Variants in SLCO6A1 observed in about 807,000 individuals in gnomAD.
SLCO6A1 encodes the protein cancer/testis antigen 48.
SLCO6A1 carries 65 observed loss-of-function variants against 72.7 expected under a neutral mutation model. The ratio of observed to expected loss-of-function variants is 0.89; its 90% CI spans 0.73 to 1.10. SLCO6A1 has a LOEUF of 1.10. SLCO6A1 is among the 50% of genes least tolerant of loss of function. The probability of loss-of-function intolerance (pLI) is 0.00; values close to 1 mark genes in which losing one functional copy is unlikely to be tolerated. For synonymous variants in SLCO6A1, 314 were observed against 298.2 expected (o/e 1.05, Z -0.55); for missense variants, 874 against 872.6 (o/e 1.00, Z -0.02).
chr5:102,469,310 C>T (rs1237886298), intron 4 of SLCO6A1, among the ~76,000 whole-genome samples: 3 of 152,076 alleles, frequency 2.0e-5, no homozygotes, highest in African/African-American at 7.2e-5. Flanking sequence ...AATATTCTTC[C>T]ATTTGTTTGT....
intron 12 of SLCO6A1, among the ~76,000 whole-genome samples, chr5:102,383,641 T>C (rs754471623): frequency 4.0e-5 from 6 of 151,818 alleles, no homozygotes; most frequent in Non-Finnish European, 8.9e-5. Context: ...ATCAGGGATA[T>C]TGGCCCTTAA....
chr5:102,442,644 G>A (rs1749899404), intron 6 of SLCO6A1, among the ~76,000 whole-genome samples: 1 of 152,184 alleles, frequency 6.6e-6, no homozygotes, highest in African/African-American at 2.4e-5. Flanking sequence ...ATGTGTTTAA[G>A]CTCTTTCAGA....
At chr5:102,379,001 G>A (rs978343585) in intron 12 of SLCO6A1, among the ~76,000 whole-genome samples, 4 of 151,912 alleles carry the variant, frequency 2.6e-5, no homozygotes, top group Admixed American at 6.6e-5. Context: ...GGATGGTCTC[G>A]AACACATGAC....
At chr5:102,419,702 T>A in intron 8 of SLCO6A1, 124 bp downstream of exon 8, 1 of 758,306 alleles carries the variant, frequency 1.3e-6, no homozygotes, top group Middle Eastern at 4.0e-4. Context: ...ATTTCTTTTA[T>A]GTGTTTGATA....
Position 102,456,362 on chromosome 5 carries a change from G to A in SLCO6A1, c.1131+2020C>T, listed in dbSNP as rs993360250. Among the ~76,000 whole-genome samples, 85 of 152,250 alleles carry A rather than the reference G, an allele frequency of 5.6e-4. 1 individual carries two copies. The highest frequency in any genetic ancestry group is 9.1e-4 in the Non-Finnish European group (62 of 68,010). On this transcript the variant is annotated intron_variant, in intron 6 of 13. Transcript: ENST00000506729. Reference sequence around the variant, plus strand: ...GATTGTATATCTAGAAAACCCCATTGTCTCAGCCCAAAATCTCCTTAAGCT... The same window carrying A: ...GATTGTATATCTAGAAAACCCCATTATCTCAGCCCAAAATCTCCTTAAGCT...
chr5:102,433,888 T>C (rs534099840), intron 7 of SLCO6A1, among the ~76,000 whole-genome samples: 77 of 152,262 alleles, frequency 5.1e-4, no homozygotes, highest in African/African-American at 1.8e-3. Context: ...TGAGTTGTCG[T>C]AGTTCTTGTG....
At chr5:102,490,289 A>G (rs1752614140) in intron 1 of SLCO6A1, among the ~76,000 whole-genome samples, 1 of 152,252 alleles carries the variant, frequency 6.6e-6, no homozygotes, top group South Asian at 2.1e-4. Flanking sequence ...TATGAGGCAA[A>G]GGATTGCTAA....
chr5:102,373,486 A>C lies in SLCO6A1; in HGVS notation c.2026T>G (p.Cys676Gly). The C allele has an allele frequency of 6.8e-7, 1 of 1,471,480 alleles. No homozygotes were observed. Among genetic ancestry groups the C allele is most frequent in the Non-Finnish European group, 9.0e-7 (1 of 1,110,160 alleles). The allele number at this position is 1,471,480 out of a possible 1,614,324, so 91.2% of individuals were successfully genotyped here. The change falls in exon 13 of 14, where the codon TGC becomes GGC. Residue 676 changes from cysteine (C) to glycine (G), a missense_variant. Transcript: ENST00000506729. ...GTGAAGATGATAGTGCATAGTTTGC[A>C]AAGAAAACCTAAATTTAAAAAATGC... ...AFLLVGICFLCKLCTIIFTTI... is the reference protein window; with the variant it reads ...AFLLVGICFLGKLCTIIFTTI...
chr5:102,402,772 C>G (rs1747470014), intron 9 of SLCO6A1, among the ~76,000 whole-genome samples: 1 of 152,216 alleles, frequency 6.6e-6, no homozygotes, highest in African/African-American at 2.4e-5. Flanking sequence ...AATGATCCCA[C>G]TTGTTAATAC....
At position 102,495,727 on chromosome 5, in the gene SLCO6A1, C is replaced by T. The variant is rs76101350; in HGVS notation, c.358+2760G>A. On this transcript the variant is annotated intron_variant, in intron 1 of 13. Coordinates refer to ENST00000506729, the MANE Select transcript of SLCO6A1 (RefSeq NM_173488.5). ...ACTTTGAAAAGTGAATTTTATTGTA[C>T]ATAAATTATATCTAAATAAATCAGA... Among the ~76,000 whole-genome samples the T allele has an allele frequency of 8.0e-3, 1,219 of 151,590 alleles. 11 individuals carry two copies. Among genetic ancestry groups the T allele is most frequent in the East Asian group, 0.035 (181 of 5,158 alleles).
chr5:102,465,381 T>C (rs1028812670), intron 4 of SLCO6A1, among the ~76,000 whole-genome samples: 3 of 152,042 alleles, frequency 2.0e-5, no homozygotes, highest in South Asian at 2.1e-4. Context: ...TCCAGTGGGA[T>C]TGAGTCCTAG....
intron 9 of SLCO6A1, among the ~76,000 whole-genome samples, chr5:102,401,802 T>C (rs553081067): frequency 4.6e-5 from 7 of 152,208 alleles, no homozygotes; most frequent in Non-Finnish European, 7.4e-5. Flanking sequence ...TGATTTCCTA[T>C]TAGGACTCCT....
chr5:102,450,132 C>A (rs1477288975), intron 6 of SLCO6A1, among the ~76,000 whole-genome samples: 1 of 152,178 alleles, frequency 6.6e-6, no homozygotes, highest in East Asian at 1.9e-4. Context: ...TCTGTCATTT[C>A]AACCATTTCA....
chr5:102,427,855 TATATATATA>T (rs1245438117), intron 7 of SLCO6A1, among the ~76,000 whole-genome samples: 114 of 121,424 alleles, frequency 9.4e-4, no homozygotes, highest in African/African-American at 4.8e-3. Context: ...CATATATATA[TATATATATA>T]TTTTTTTTTT....
intron 10 of SLCO6A1, 96 bp downstream of exon 10, chr5:102,399,459 A>G: frequency 1.2e-6 from 1 of 806,232 alleles, no homozygotes; most frequent in Non-Finnish European, 1.7e-6. Context: ...ACCATGAAAC[A>G]CAGAGTAAAT....
chr5:102,459,883 G>T, intron 4 of SLCO6A1, 106 bp from the exon 5 acceptor site: 1 of 949,104 alleles, frequency 1.1e-6, no homozygotes, highest in Non-Finnish European at 1.5e-6. Flanking sequence ...GGGAGGGTTG[G>T]AGAGTGAGAC....
intron 4 of SLCO6A1, among the ~76,000 whole-genome samples, chr5:102,467,473 T>C (rs940092628): frequency 2.0e-5 from 3 of 151,982 alleles, no homozygotes; most frequent in African/African-American, 7.2e-5. Context: ...CTCCCATTTA[T>C]AAAACCATCA....
intron 1 of SLCO6A1, among the ~76,000 whole-genome samples, chr5:102,492,354 T>A (rs1411640954): frequency 6.6e-6 from 1 of 152,174 alleles, no homozygotes; most frequent in African/African-American, 2.4e-5. Context: ...AAAAAATGTC[T>A]TTGATGACCT....
At chr5:102,396,964 A>G (rs1324495539) in intron 10 of SLCO6A1, among the ~76,000 whole-genome samples, 1 of 152,066 alleles carries the variant, frequency 6.6e-6, no homozygotes, top group Non-Finnish European at 1.5e-5. Flanking sequence ...GTACTTCCCA[A>G]AAGTTCCACC....
Sources: allele counts gnomAD v4.1 joint callset (sites outside exome capture counted in the v4.1 genomes callset), GRCh38; gene constraint gnomAD v4.1.1; transcripts MANE v1.5; gene names NCBI Gene and HGNC (gene_info 2026-07-23, HGNC 2026-07-21).